WFDC8: variants seen among roughly 807,000 people sequenced by gnomAD.
The protein encoded by WFDC8 is WAP four-disulfide core domain protein 8.
In WFDC8, 24 loss-of-function variants were observed where a neutral mutation model predicts 27.0. The observed-to-expected ratio is 0.89, with a 90% CI of 0.64 to 1.25. The LOEUF (loss-of-function observed/expected upper bound fraction) is 1.25. WFDC8 is among the 50% of genes most tolerant of loss of function. The probability of loss-of-function intolerance (pLI) is 0.00; values close to 1 mark genes in which losing one functional copy is unlikely to be tolerated. For missense variants in WFDC8, 287 were observed against 295.9 expected (o/e 0.97, Z 0.22); for synonymous variants, 106 against 99.7 (o/e 1.06, Z -0.38).
downstream of WFDC8, chr20:45,551,688 A>T (rs374231510): frequency 1.7e-5 from 3 of 176,032 alleles, no homozygotes; most frequent in African/African-American, 7.1e-5. Flanking sequence ...AAACTTATGT[A>T]TTCCAAATTC....
intron 4 of WFDC8, among the ~76,000 whole-genome samples, chr20:45,554,259 C>T (rs1397682338): frequency 2.1e-4 from 32 of 152,076 alleles, no homozygotes; most frequent in Admixed American, 2.0e-3. Flanking sequence ...AACTCCTGGG[C>T]TCAAGTGATC....
chr20:45,554,314 T>C (rs1460850741), intron 4 of WFDC8, among the ~76,000 whole-genome samples: 1 of 152,084 alleles, frequency 6.6e-6, no homozygotes, highest in Admixed American at 6.6e-5. Context: ...AGGTGTGAGC[T>C]ACTGTGCCTG....
intron 1 of WFDC8, among the ~76,000 whole-genome samples, chr20:45,572,412 A>C (rs1042351318): frequency 6.6e-6 from 1 of 151,472 alleles, no homozygotes; most frequent in Admixed American, 6.6e-5. Context: ...AAAAAAAAAA[A>C]AAAAAGAATT....
intron 5 of WFDC8, among the ~76,000 whole-genome samples, chr20:45,552,815 C>G (rs780489795): frequency 6.6e-6 from 1 of 152,190 alleles, no homozygotes; most frequent in African/African-American, 2.4e-5. Flanking sequence ...TAGGAATACA[C>G]CTCATGGTTA....
chr20:45,555,302 C>G (rs1224085516), intron 4 of WFDC8, among the ~76,000 whole-genome samples: 2 of 152,180 alleles, frequency 1.3e-5, no homozygotes, highest in African/African-American at 4.8e-5. Context: ...TGGACACTTA[C>G]TCCATGGGAT....
At position 45,551,890 on chromosome 20, in the gene WFDC8, A is replaced by G. The variant is rs1450117569; in HGVS notation, c.*136T>C. The G allele has an allele frequency of 1.8e-6, 2 of 1,117,354 alleles. No homozygotes were observed. The highest frequency in any genetic ancestry group is 2.6e-5 in the Admixed American group (1 of 37,840). The allele number at this position is 1,117,354 out of a possible 1,614,324, so 69.2% of individuals were successfully genotyped here. On this transcript the variant is annotated 3_prime_UTR_variant, in exon 6 of 6. Transcript: ENST00000289953. ...TCACTTTCAGATGATGGGATTATATATAAAATCAAAGTAACATCATTCAAT... is the reference window on the plus strand; with the variant it reads ...TCACTTTCAGATGATGGGATTATATGTAAAATCAAAGTAACATCATTCAAT...
chr20:45,561,222 T>C (rs947345728), intron 2 of WFDC8, among the ~76,000 whole-genome samples: 7 of 152,200 alleles, frequency 4.6e-5, no homozygotes, highest in Non-Finnish European at 1.0e-4. Flanking sequence ...CTCAGCTGTC[T>C]TCTGACATTA....
At chr20:45,564,298 G>A (rs1373419285) in intron 1 of WFDC8, among the ~76,000 whole-genome samples, 2 of 152,174 alleles carry the variant, frequency 1.3e-5, no homozygotes, top group African/African-American at 4.8e-5. Context: ...TAGGTTCTGG[G>A]CACGGTGGCT....
chr20:45,572,746 A>G (rs1980912653), intron 1 of WFDC8, among the ~76,000 whole-genome samples: 1 of 152,232 alleles, frequency 6.6e-6, no homozygotes, highest in Non-Finnish European at 1.5e-5. Flanking sequence ...AGCTGGAACT[A>G]CAGGCATGCG....
downstream of WFDC8, chr20:45,551,289 G>C (rs1209935071): frequency 6.6e-6 from 1 of 152,146 alleles, no homozygotes; most frequent in African/African-American, 2.4e-5. Flanking sequence ...AAATTCAGTA[G>C]TCATTTTCAG....
At chr20:45,569,144 G>A (rs1476001367) in intron 1 of WFDC8, among the ~76,000 whole-genome samples, 1 of 152,136 alleles carries the variant, frequency 6.6e-6, no homozygotes, top group African/African-American at 2.4e-5. Context: ...GCCACTTCTG[G>A]CCTGGCACAC....
In WFDC8 at chr20:45,562,130, A is replaced by T. The variant is rs79465015; in HGVS notation, c.116T>A (p.Met39Lys). 1 of 1,613,980 alleles carries T rather than the reference A, an allele frequency of 6.2e-7. No individual in the cohort carries two copies. The highest frequency in any genetic ancestry group is 1.3e-5 in the African/African-American group (1 of 74,894). The change falls in exon 2 of 6, where the codon ATG becomes AAG. Residue 39 changes from methionine to lysine, a missense_variant. Coordinates refer to ENST00000289953, the MANE Select transcript of WFDC8 (RefSeq NM_130896.3). ...CTCACGTTTGATCTTCTTGGTCAGC[A>T]TTGCAGAAGTCCACTCCAAAGCAAG... ...LSLALEWTSA[M>K]LTKKIKHKPG...
At chr20:45,565,706 C>T (rs1490077709) in intron 1 of WFDC8, among the ~76,000 whole-genome samples, 1 of 152,180 alleles carries the variant, frequency 6.6e-6, no homozygotes, top group African/African-American at 2.4e-5. Context: ...AGGTGGCAAA[C>T]TCACACTAAG....
chr20:45,556,526 G>A (rs935335345), intron 3 of WFDC8, among the ~76,000 whole-genome samples: 1 of 152,118 alleles, frequency 6.6e-6, no homozygotes, highest in African/African-American at 2.4e-5. Context: ...CAAAGGAGAC[G>A]AGGGCTTTGA....
At chr20:45,554,676 C>A (rs1458702779) in intron 4 of WFDC8, among the ~76,000 whole-genome samples, 1 of 152,182 alleles carries the variant, frequency 6.6e-6, no homozygotes, top group Non-Finnish European at 1.5e-5. Flanking sequence ...GGAGACAAGG[C>A]TCTTGTCCAC....
intron 2 of WFDC8, among the ~76,000 whole-genome samples, chr20:45,561,747 TG>T (rs1980478251): frequency 3.3e-5 from 2 of 60,552 alleles, no homozygotes; most frequent in Non-Finnish European, 9.0e-5. Context: ...TGCGTGTGTG[TG>T]TGTGTGTGTG....
chr20:45,551,961 C>T lies in WFDC8; in HGVS notation c.*65G>A. 1 of 1,572,380 alleles carries T rather than the reference C, an allele frequency of 6.4e-7. No individual in the cohort carries two copies. ...TTGGCAAGTTGGATACAAGACAAAACTGACAGCTCTTTATCATGCTACTCA... is the reference window on the plus strand; with the variant it reads ...TTGGCAAGTTGGATACAAGACAAAATTGACAGCTCTTTATCATGCTACTCA... On this transcript the variant is annotated 3_prime_UTR_variant, in exon 6 of 6. Coordinates refer to ENST00000289953, the MANE Select transcript of WFDC8 (RefSeq NM_130896.3).
At chr20:45,564,732 C>G (rs574611357) in intron 1 of WFDC8, among the ~76,000 whole-genome samples, 99 of 149,764 alleles carry the variant, frequency 6.6e-4, no homozygotes, top group Admixed American at 1.8e-3. Context: ...GTTCTAGCTA[C>G]TTAGGAGGCT....
chr20:45,562,363 T>C, intron 1 of WFDC8, 144 bp from the exon 2 acceptor site: 1 of 671,370 alleles, frequency 1.5e-6, no homozygotes, highest in East Asian at 2.7e-5. Context: ...AAGGAGTCTG[T>C]CTGAGGTCAG....
Sources: allele counts gnomAD v4.1 joint callset (sites outside exome capture counted in the v4.1 genomes callset), GRCh38; gene constraint gnomAD v4.1.1; transcripts MANE v1.5; gene names NCBI Gene and HGNC (gene_info 2026-07-23, HGNC 2026-07-21).